Variants in TNFSF4 observed in about 807,000 individuals in gnomAD.
The protein encoded by TNFSF4 is tumor necrosis factor ligand superfamily member 4.
Under a neutral mutation model 7.3 loss-of-function variants are expected in TNFSF4, and 4 were observed. The ratio of observed to expected loss-of-function variants is 0.55; its 90% CI spans 0.27 to 1.25. The LOEUF (loss-of-function observed/expected upper bound fraction) is 1.25, where lower values mean the gene tolerates loss of function less well. Ranked by LOEUF, TNFSF4 falls within the 50% of genes most tolerant of loss-of-function variation. The pLI, the probability that TNFSF4 is intolerant of heterozygous loss-of-function variation, is 0.12. For missense variants in TNFSF4, 181 were observed against 208.8 expected (o/e 0.87, Z 0.82); for synonymous variants, 76 against 83.7 (o/e 0.91, Z 0.50).
At chr1:173,293,035 A>G in the TNFSF4 span, among the ~76,000 whole-genome samples, 1 of 152,298 alleles carries the variant, frequency 6.6e-6, no homozygotes, top group South Asian at 2.1e-4. Context: ...ATGGATAGGA[A>G]GAATCAGTAT....
the TNFSF4 span, among the ~76,000 whole-genome samples, chr1:173,328,284 C>T: frequency 7.0e-6 from 1 of 143,054 alleles, no homozygotes; most frequent in East Asian, 2.1e-4. Flanking sequence ...TGTTCTCACT[C>T]ATAGGTGGGA....
At chr1:173,285,679 A>G in the TNFSF4 span, among the ~76,000 whole-genome samples, 4,319 of 152,292 alleles carry the variant, frequency 0.028, 178 homozygotes, top group African/African-American at 0.092. Flanking sequence ...ACCAGCAAAA[A>G]GATTACAATT....
the TNFSF4 span, among the ~76,000 whole-genome samples, chr1:173,439,572 C>G: frequency 1.3e-5 from 2 of 152,156 alleles, no homozygotes; most frequent in East Asian, 1.9e-4. Context: ...ATCCTGCTAT[C>G]CCTCACAGAA....
At chr1:173,358,719 A>G in the TNFSF4 span, among the ~76,000 whole-genome samples, 1 of 152,262 alleles carries the variant, frequency 6.6e-6, no homozygotes, top group Non-Finnish European at 1.5e-5. Context: ...GGAATATCAT[A>G]CAATGAGACT....
chr1:173,280,211 C>T, the TNFSF4 span, among the ~76,000 whole-genome samples: 1 of 152,142 alleles, frequency 6.6e-6, no homozygotes, highest in African/African-American at 2.4e-5. Context: ...CATGTCTACT[C>T]TTCCTCTGTT....
upstream of TNFSF4, among the ~76,000 whole-genome samples, chr1:173,211,153 T>C (rs1296769820): frequency 6.6e-6 from 1 of 152,172 alleles, no homozygotes; most frequent in Non-Finnish European, 1.5e-5. Context: ...TCACCAGACA[T>C]TCTGAGAGTG....
chr1:173,330,935 A>C, the TNFSF4 span, among the ~76,000 whole-genome samples: 3 of 144,580 alleles, frequency 2.1e-5, no homozygotes, highest in East Asian at 6.0e-4. Flanking sequence ...CCCAGGCTGG[A>C]GTGCAATGGC....
the TNFSF4 span, among the ~76,000 whole-genome samples, chr1:173,365,492 A>G: frequency 1.3e-5 from 2 of 152,198 alleles, no homozygotes; most frequent in Non-Finnish European, 2.9e-5. Context: ...TTCATATATC[A>G]ACTGTAAAAT....
chr1:173,381,567 T>A, the TNFSF4 span, among the ~76,000 whole-genome samples: 2 of 152,134 alleles, frequency 1.3e-5, no homozygotes, highest in Non-Finnish European at 2.9e-5. Flanking sequence ...CCAAATGAGC[T>A]CAACTAACAA....
the TNFSF4 span, among the ~76,000 whole-genome samples, chr1:173,236,868 G>T: frequency 6.6e-6 from 1 of 152,162 alleles, no homozygotes; most frequent in Non-Finnish European, 1.5e-5. Flanking sequence ...ATTAGGAAGA[G>T]GTTTGATATC....
At chr1:173,444,514 T>G in the TNFSF4 span, among the ~76,000 whole-genome samples, 79 of 108,252 alleles carry the variant, frequency 7.3e-4, no homozygotes, top group Non-Finnish European at 1.6e-3. Context: ...AAATTCTGGG[T>G]TTTTTTTTTA....
the TNFSF4 span, among the ~76,000 whole-genome samples, chr1:173,271,828 C>A: frequency 6.6e-6 from 1 of 152,264 alleles, no homozygotes; most frequent in South Asian, 2.1e-4. Context: ...TACCAGTTGA[C>A]CCAGCCATCC....
chr1:173,182,030 C>T (rs1649064053), downstream of TNFSF4, among the ~76,000 whole-genome samples: 1 of 152,166 alleles, frequency 6.6e-6, no homozygotes, highest in South Asian at 2.1e-4. Flanking sequence ...GGGACTACTT[C>T]TTGGTGCTCC....
chr1:173,231,770 G>C, the TNFSF4 span, among the ~76,000 whole-genome samples: 5 of 152,140 alleles, frequency 3.3e-5, no homozygotes, highest in East Asian at 7.7e-4. Flanking sequence ...CAAAGTCTCA[G>C]GACACAATAT....
the TNFSF4 span, among the ~76,000 whole-genome samples, chr1:173,372,627 G>A: frequency 3.3e-5 from 5 of 152,246 alleles, no homozygotes; most frequent in South Asian, 1.0e-3. Context: ...AATAATACAA[G>A]GAAAGAATCT....
chr1:173,242,035 A>G, the TNFSF4 span, among the ~76,000 whole-genome samples: 1 of 152,224 alleles, frequency 6.6e-6, no homozygotes, highest in African/African-American at 2.4e-5. Context: ...TTTAGGTCTT[A>G]CAATATGTAA....
At chr1:173,344,259 A>C in the TNFSF4 span, among the ~76,000 whole-genome samples, 1 of 152,218 alleles carries the variant, frequency 6.6e-6, no homozygotes, top group Non-Finnish European at 1.5e-5. Context: ...TACAGCAGTA[A>C]ATAGCACCTG....
At chr1:173,221,689 A>G in the TNFSF4 span, among the ~76,000 whole-genome samples, 1 of 152,330 alleles carries the variant, frequency 6.6e-6, no homozygotes, top group East Asian at 1.9e-4. Flanking sequence ...TCCTCATATA[A>G]GCACCACAAT....
At chr1:173,364,820 TAGTCA>T in the TNFSF4 span, among the ~76,000 whole-genome samples, 1 of 152,262 alleles carries the variant, frequency 6.6e-6, no homozygotes, top group South Asian at 2.1e-4. Context: ...GGCAGGGCAG[TAGTCA>T]AGTTTGTACA....
Sources: gnomAD v4.1 joint callset for allele counts (sites outside exome capture counted in the v4.1 genomes callset) on GRCh38, gnomAD v4.1.1 for gene constraint, MANE v1.5 for transcripts, NCBI Gene and HGNC (gene_info 2026-07-23, HGNC 2026-07-21) for gene names.